ST6GALNAC3: variants seen among roughly 807,000 people sequenced by gnomAD.
ST6GALNAC3 encodes ST6 N-acetylgalactosaminide alpha-2,6-sialyltransferase 3.
A neutral mutation model predicts 32.7 loss-of-function variants in ST6GALNAC3; 25 were observed. The observed-to-expected ratio is 0.76, with a 90% CI of 0.56 to 1.07. The LOEUF (loss-of-function observed/expected upper bound fraction) is 1.07, where lower values mean the gene tolerates loss of function less well. Ranked by LOEUF, ST6GALNAC3 falls within the 50% of genes least tolerant of loss-of-function variation. The probability of loss-of-function intolerance (pLI) is 0.00; values close to 1 mark genes in which losing one functional copy is unlikely to be tolerated. For synonymous variants in ST6GALNAC3, 129 were observed against 133.1 expected, an observed-to-expected ratio of 0.97 and a Z score of 0.21; for missense variants, 355 against 382.4, an observed-to-expected ratio of 0.93 and a Z score of 0.60.
intron 2 of ST6GALNAC3, 150 bp from the exon 3 acceptor site, chr1:76,411,858 G>A: frequency 1.4e-6 from 1 of 725,252 alleles, no homozygotes; most frequent in Non-Finnish European, 2.1e-6. Context: ...ATAATCTGTG[G>A]CAGCGACTGT....
At position 76,130,977 on chromosome 1, in the gene ST6GALNAC3, A is replaced by G. The variant is rs529462223; in HGVS notation, c.18+56093A>G. Among the ~76,000 whole-genome samples the G allele has an allele frequency of 2.6e-5, 4 of 152,328 alleles. No individual in the cohort carries two copies. The South Asian group carries it at 8.3e-4, about 32-fold the overall frequency. On this transcript the variant is annotated intron_variant, in intron 1 of 4. Transcript: ENST00000328299. ...GAATAGTTTTCACTGCTCATTGCTG[A>G]GAAGTGCCCCATTTGAAGGTTGCTG...
At chr1:76,241,373 G>C (rs1557720286) in intron 1 of ST6GALNAC3, among the ~76,000 whole-genome samples, 1 of 152,196 alleles carries the variant, frequency 6.6e-6, no homozygotes, top group East Asian at 1.9e-4. Flanking sequence ...AGCAGAACCA[G>C]TGTGTGCAGA....
At chr1:76,270,962 G>A (rs772591683) in intron 1 of ST6GALNAC3, among the ~76,000 whole-genome samples, 40 of 152,238 alleles carry the variant, frequency 2.6e-4, no homozygotes, top group Non-Finnish European at 4.4e-4. Context: ...AAACAGACCC[G>A]GAGATGAACC....
rs188979100 is a variant in ST6GALNAC3 at position 76,349,209 on chromosome 1, C to T, written c.213+35210C>T. On this transcript the variant is annotated intron_variant, in intron 2 of 4. Transcript: ENST00000328299. ...ATTCTCTGCTTGTTCAGCCTAGGTT[C>T]ACCTTGGCCAGGGGTAGAGTTCCCT... 3.5e-4 allele frequency among the ~76,000 whole-genome samples: 54 copies of T among 152,256 alleles called. 1 individual carries two copies. The highest frequency in any genetic ancestry group is 1.4e-3 in the Admixed American group (22 of 15,280).
chr1:76,164,863 C>T (rs753010920), intron 1 of ST6GALNAC3, among the ~76,000 whole-genome samples: 2 of 152,128 alleles, frequency 1.3e-5, no homozygotes, highest in Non-Finnish European at 2.9e-5. Flanking sequence ...AGGCATCTAT[C>T]TGCAAGACTT....
At chr1:76,553,291 G>T (rs1315778717) in intron 3 of ST6GALNAC3, among the ~76,000 whole-genome samples, 1 of 152,086 alleles carries the variant, frequency 6.6e-6, no homozygotes, top group African/African-American at 2.4e-5. Context: ...AGTAACAAAA[G>T]ATATGAACAG....
At chr1:76,306,178 C>T (rs887813559) in intron 1 of ST6GALNAC3, among the ~76,000 whole-genome samples, 1 of 151,982 alleles carries the variant, frequency 6.6e-6, no homozygotes, top group African/African-American at 2.4e-5. Context: ...GCTTTATTCC[C>T]GGTATTAAAA....
intron 3 of ST6GALNAC3, among the ~76,000 whole-genome samples, chr1:76,598,129 G>A (rs542585707): frequency 6.6e-6 from 1 of 152,136 alleles, no homozygotes; most frequent in East Asian, 1.9e-4. Flanking sequence ...ATGGTATAAG[G>A]GGTAAGAGAG....
intron 2 of ST6GALNAC3, among the ~76,000 whole-genome samples, chr1:76,379,870 A>C (rs1470360730): frequency 3.9e-5 from 6 of 152,190 alleles, no homozygotes; most frequent in Admixed American, 6.5e-5. Context: ...TCTGAAGAGA[A>C]GTTTCCCAGG....
At chr1:76,411,982 A>G (rs1654269902) in intron 2 of ST6GALNAC3, 26 bp from the exon 3 acceptor site, 2 of 1,596,584 alleles carry the variant, frequency 1.3e-6, no homozygotes, top group Non-Finnish European at 1.7e-6. Context: ...TTACTAATTT[A>G]CATGCCTTCT....
intron 2 of ST6GALNAC3, among the ~76,000 whole-genome samples, chr1:76,390,946 A>ATTTTTTTTTTTTTTTTTTTTTTT (rs58114434): frequency 8.3e-6 from 1 of 120,984 alleles, no homozygotes; most frequent in African/African-American, 2.7e-5. Context: ...ATATATATGT[A>ATTTTTTTTTTTTTTTTTTTTTTT]TTTTTTTTTT....
Position 76,109,871 on chromosome 1 carries a change from G to A in ST6GALNAC3, c.18+34987G>A, listed in dbSNP as rs946142722. Among the ~76,000 whole-genome samples the A allele has an allele frequency of 2.6e-5, 4 of 152,282 alleles. No homozygotes were observed. In the East Asian group the frequency reaches 7.7e-4, roughly 29 times the overall value. On this transcript the variant is annotated intron_variant, in intron 1 of 4. Transcript: ENST00000328299. ...TGTGTTCTTTCAAGCACAGGTTTAG[G>A]TTTGCCCTTCTATTGTTTCTTCTAC... is the stretch of plus-strand genomic sequence containing the variant.
intron 3 of ST6GALNAC3, among the ~76,000 whole-genome samples, chr1:76,463,565 C>T (rs77927560): frequency 0.021 from 3,162 of 152,224 alleles, 44 homozygotes; most frequent in Non-Finnish European, 0.033. Flanking sequence ...TACTGCATTT[C>T]CTGAAATGAA....
intron 3 of ST6GALNAC3, among the ~76,000 whole-genome samples, chr1:76,434,344 T>C (rs1160228591): frequency 6.6e-6 from 1 of 152,224 alleles, no homozygotes; most frequent in Non-Finnish European, 1.5e-5. Context: ...CTATAAACTG[T>C]CATGTTTTAA....
chr1:76,634,044 T>C lies in ST6GALNAC3; in HGVS notation c.*5238T>C, dbSNP rs1185701481. ...AGAAAATCTCATTTAGTTTTTTTCT[T>C]TTTTTTTTTCAGTTAACTACTTGTT... On this transcript the variant is annotated 3_prime_UTR_variant, in exon 5 of 5. Coordinates refer to ENST00000328299, the MANE Select transcript of ST6GALNAC3 (RefSeq NM_152996.4). 4.1e-6 allele frequency: 2 copies of C among 483,662 alleles called. No individual in the cohort carries two copies. Among genetic ancestry groups the C allele is most frequent in the Non-Finnish European group, 5.4e-6 (2 of 372,696 alleles). The allele number at this position is 483,662 out of a possible 1,614,324, so 30.0% of individuals were successfully genotyped here.
intron 1 of ST6GALNAC3, among the ~76,000 whole-genome samples, chr1:76,299,541 A>G (rs1378807046): frequency 2.6e-5 from 4 of 152,016 alleles, no homozygotes; most frequent in Admixed American, 2.6e-4. Context: ...CTAATTCTGC[A>G]AAAGAGAAAT....
intron 3 of ST6GALNAC3, among the ~76,000 whole-genome samples, chr1:76,529,749 T>G (rs1462783203): frequency 6.6e-6 from 1 of 152,110 alleles, no homozygotes; most frequent in Non-Finnish European, 1.5e-5. Flanking sequence ...CAGCAATGAG[T>G]ATGAACTGTA....
At chr1:76,389,012 C>CTTTTTTTTT (rs371619828) in intron 2 of ST6GALNAC3, among the ~76,000 whole-genome samples, 2 of 127,358 alleles carry the variant, frequency 1.6e-5, no homozygotes, top group African/African-American at 3.0e-5. Context: ...GGTATATTTC[C>CTTTTTTTTT]TTTTTTTTTT....
chr1:76,437,541 C>G (rs1656224919), intron 3 of ST6GALNAC3, among the ~76,000 whole-genome samples: 1 of 151,092 alleles, frequency 6.6e-6, no homozygotes, highest in Non-Finnish European at 1.5e-5. Flanking sequence ...TTACTTAGTA[C>G]AGAAAAATAG....
Sources: allele counts gnomAD v4.1 joint callset (sites outside exome capture counted in the v4.1 genomes callset), GRCh38; gene constraint gnomAD v4.1.1; transcripts MANE v1.5; gene names NCBI Gene and HGNC (gene_info 2026-07-23, HGNC 2026-07-21).